WDR35: variants seen among roughly 807,000 people sequenced by gnomAD.
WDR35 encodes the protein WD repeat domain 35, also known as WD repeat-containing protein 35.
A neutral mutation model predicts 158.3 loss-of-function variants in WDR35; 118 were observed. The observed-to-expected ratio is 0.75, with a 90% confidence interval of 0.64 to 0.87. The LOEUF is 0.87. Ranked by LOEUF, WDR35 falls within the 40% of genes least tolerant of loss-of-function variation. WDR35 has a pLI of 0.00. For missense variants in WDR35, 1,263 were observed against 1,405.8 expected (o/e 0.90, Z 1.62); for synonymous variants, 448 against 476.1 (o/e 0.94, Z 0.77).
intron 6 of WDR35, 46 bp from the exon 7 acceptor site, chr2:19,974,679 G>T: frequency 1.3e-6 from 2 of 1,544,752 alleles, no homozygotes; most frequent in Non-Finnish European, 1.8e-6. Context: ...TTAAAACACA[G>T]CAGTATAGAG....
intron 22 of WDR35, 119 bp downstream of exon 22, chr2:19,933,282 C>T: frequency 1.2e-6 from 1 of 819,790 alleles, no homozygotes; most frequent in Non-Finnish European, 2.0e-6. Flanking sequence ...TCACGTCAGG[C>T]TCTCCAACCC....
rs746199319 is a variant in WDR35 at position 19,933,395 on chromosome 2, T to C, written c.2658+6A>G. 6.2e-6 allele frequency: 10 copies of C among 1,610,950 alleles called. No homozygotes were observed. Among genetic ancestry groups the C allele is most frequent in the Non-Finnish European group, 7.6e-6 (9 of 1,177,300 alleles). ...AGCTGCACAGACAGAAAGTTTCAGT[T>C]CCTACTTGGTTGAGATGTACGCAGG... On this transcript the variant is annotated splice_donor_region_variant and intron_variant, in intron 22 of 26. Transcript: ENST00000281405.
Position 19,941,839 on chromosome 2 carries a change from C to A in WDR35, c.1846G>T (p.Glu616Ter), listed in dbSNP as rs867246047. 1 of 1,561,606 alleles carries A rather than the reference C, an allele frequency of 6.4e-7. No homozygotes were observed. Among genetic ancestry groups the A allele is most frequent in the Admixed American group, 1.8e-5 (1 of 56,478 alleles). The change falls in exon 17 of 27, where the codon GAA becomes TAA. Residue 616 changes from glutamate to a stop codon, truncating the protein, a stop_gained and splice_region_variant. Coordinates refer to ENST00000281405, the MANE Select transcript of WDR35 (RefSeq NM_020779.4). LOFTEE classifies it high-confidence loss of function. ...ATATATCCAGAGGTCTGAATGGGTT[C>A]CTTTAAAGACAAAAAAAAAGTTATG... ...MYVFRNLDPE[E>*]PIQTSGYICN...
intron 3 of WDR35, among the ~76,000 whole-genome samples, chr2:19,981,319 CTAAAAA>C (rs562952671): frequency 3.5e-4 from 54 of 152,156 alleles, no homozygotes; most frequent in Admixed American, 2.2e-3. Context: ...TGTACATTTC[CTAAAAA>C]TAAAGACATT....
chr2:19,930,939 C>T (rs974514739), intron 24 of WDR35, among the ~76,000 whole-genome samples: 8 of 152,056 alleles, frequency 5.3e-5, no homozygotes, highest in African/African-American at 1.4e-4. Flanking sequence ...CATTCATTTA[C>T]GCATTACAAC....
At chr2:19,950,336 T>G (rs1358337737) in intron 13 of WDR35, among the ~76,000 whole-genome samples, 2 of 152,134 alleles carry the variant, frequency 1.3e-5, no homozygotes, top group African/African-American at 2.4e-5. Context: ...CCTATCAGAC[T>G]TGGCAATTCA....
At chr2:19,926,442 T>G (rs1338980504) in intron 25 of WDR35, among the ~76,000 whole-genome samples, 1 of 152,242 alleles carries the variant, frequency 6.6e-6, no homozygotes, top group Non-Finnish European at 1.5e-5. Context: ...GTAATTGAGG[T>G]AATGACTGCT....
rs561930776 is a variant in WDR35 at position 19,971,518 on chromosome 2, G to T, written c.883-1913C>A. 9.2e-5 allele frequency among the ~76,000 whole-genome samples: 14 copies of T among 152,262 alleles called. No homozygotes were observed. The South Asian group carries it at 2.9e-3, about 32-fold the overall frequency. On this transcript the variant is annotated intron_variant, in intron 8 of 26. Transcript: ENST00000281405. Reference sequence around the variant, plus strand: ...TCAATACTGGACTTCTCATTCTCCAGAACTGTGAGCCAATAAGTTTCTGTT... The same window carrying T: ...TCAATACTGGACTTCTCATTCTCCATAACTGTGAGCCAATAAGTTTCTGTT...
At chr2:19,957,614 ACGAT>A (rs1671490411) in intron 11 of WDR35, among the ~76,000 whole-genome samples, 1 of 151,240 alleles carries the variant, frequency 6.6e-6, no homozygotes, top group African/African-American at 2.4e-5. Context: ...GAGCTGTGGC[ACGAT>A]CTTTGCTCAG....
chr2:19,966,065 G>A (rs764994979), intron 10 of WDR35, among the ~76,000 whole-genome samples: 1 of 151,980 alleles, frequency 6.6e-6, no homozygotes, highest in Non-Finnish European at 1.5e-5. Flanking sequence ...ATACCTTTAC[G>A]ATTGTTTAGC....
intron 8 of WDR35, 116 bp from the exon 9 acceptor site, chr2:19,969,721 T>A: frequency 9.0e-7 from 1 of 1,111,868 alleles, no homozygotes; most frequent in Non-Finnish European, 1.3e-6. Context: ...GAAAAGTTAC[T>A]AGTCACTTTA....
At position 19,938,409 on chromosome 2, in the gene WDR35, T is replaced by C. The variant is rs746481185; in HGVS notation, c.1927-8A>G. The C allele has an allele frequency of 8.1e-6, 13 of 1,613,292 alleles. No homozygotes were observed. The highest frequency in any genetic ancestry group is 1.1e-5 in the Non-Finnish European group (13 of 1,179,768). The stretch of plus-strand genomic sequence containing the variant: ...GTTTGGATGTTCTGGATCCTAAAAG[T>C]AAAGATGAAAACAAAAAAATTCAAA... On this transcript the variant is annotated splice_region_variant and splice_polypyrimidine_tract_variant and intron_variant, in intron 17 of 26. Coordinates refer to ENST00000281405, the MANE Select transcript of WDR35 (RefSeq NM_020779.4).
At position 19,966,728 on chromosome 2, in the gene WDR35, G is replaced by A. The variant is rs769474458; in HGVS notation, c.1190C>T (p.Pro397Leu). ...ILATKADENH[P>L]QFVLVLCNSI... ...AAGATATCAAGAAACACCTACCTGA[G>A]GATGATTTTCATCAGCTTTTGTAGC... Residue 397 changes from proline (P) to leucine (L), a missense_variant, in exon 10 of 27, where the codon CCT becomes CTT. Pro to Leu is a moderately conservative substitution (Grantham distance 98). Transcript: ENST00000281405. 15 of 1,613,668 alleles carry A rather than the reference G, an allele frequency of 9.3e-6. No individual in the cohort carries two copies. Among genetic ancestry groups the A allele is most frequent in the African/African-American group, 1.3e-5 (1 of 75,026 alleles).
chr2:19,933,593 C>A (rs964800307), intron 21 of WDR35, 82 bp from the exon 22 acceptor site: 5 of 1,193,474 alleles, frequency 4.2e-6, no homozygotes, highest in East Asian at 2.5e-5. Context: ...TCCGTAGGGA[C>A]GTATGAGTAT....
intron 8 of WDR35, among the ~76,000 whole-genome samples, chr2:19,971,671 G>C (rs1391125808): frequency 6.6e-6 from 1 of 152,136 alleles, no homozygotes; most frequent in South Asian, 2.1e-4. Context: ...ACCTAGGAGG[G>C]TCTGATCTAT....
intron 16 of WDR35, among the ~76,000 whole-genome samples, chr2:19,942,894 A>G (rs1401013190): frequency 6.6e-6 from 1 of 152,150 alleles, no homozygotes; most frequent in Non-Finnish European, 1.5e-5. Context: ...TTATCAAAAA[A>G]GTAACCAAAG....
intron 10 of WDR35, among the ~76,000 whole-genome samples, chr2:19,966,496 A>T (rs1282517240): frequency 6.6e-6 from 1 of 152,174 alleles, no homozygotes; most frequent in Non-Finnish European, 1.5e-5. Flanking sequence ...TTCAGTATTA[A>T]ACCAGTCAGT....
rs575765151 is a variant in WDR35, at chr2:19,912,736, T to C, written c.*822A>G. 19 of 152,310 alleles carry C rather than the reference T, an allele frequency of 1.2e-4. No individual in the cohort carries two copies. The highest frequency in any genetic ancestry group is 4.3e-4 in the African/African-American group (18 of 41,588). The allele number at this position is 152,310 out of a possible 1,614,324, so 9.4% of individuals were successfully genotyped here. Reference sequence around the variant, plus strand: ...ATTATGGATCACAACTGTTTATCTTTCAAATTAATAATAAATGAAAACAGA... The same window carrying C: ...ATTATGGATCACAACTGTTTATCTTCCAAATTAATAATAAATGAAAACAGA... On this transcript the variant is annotated 3_prime_UTR_variant, in exon 27 of 27. Coordinates refer to ENST00000281405, the MANE Select transcript of WDR35 (RefSeq NM_020779.4).
At chr2:19,919,894 G>A (rs1670116375) in intron 25 of WDR35, among the ~76,000 whole-genome samples, 1 of 152,060 alleles carries the variant, frequency 6.6e-6, no homozygotes, top group Admixed American at 6.6e-5. Context: ...AATGATAAAA[G>A]GGATATCACC....
Sources: gnomAD v4.1 joint callset for allele counts (sites outside exome capture counted in the v4.1 genomes callset) on GRCh38, gnomAD v4.1.1 for gene constraint, MANE v1.5 for transcripts, NCBI Gene and HGNC (gene_info 2026-07-23, HGNC 2026-07-21) for gene names.